AKT3: variants seen among roughly 807,000 people sequenced by gnomAD.
The protein encoded by AKT3 is RAC-gamma serine/threonine-protein kinase.
A neutral mutation model predicts 65.3 loss-of-function variants in AKT3; 15 were observed. The ratio of observed to expected loss-of-function variants is 0.23; its 90% CI spans 0.15 to 0.35. The LOEUF (loss-of-function observed/expected upper bound fraction) is 0.35, where lower values mean the gene tolerates loss of function less well. Ranked by LOEUF, AKT3 falls within the 10% of genes least tolerant of loss-of-function variation. The pLI is 1.00. For synonymous variants in AKT3, 206 were observed against 183.8 expected (o/e 1.12, Z -0.98); for missense variants, 243 against 576.5 (o/e 0.42, Z 5.92).
Position 243,671,344 on chromosome 1 carries a change from C to T in AKT3, c.173-6461G>A, listed in dbSNP as rs541625886. Among the ~76,000 whole-genome samples, 29 of 152,082 alleles carry T rather than the reference C, an allele frequency of 1.9e-4. No homozygotes were observed. In the East Asian group the frequency reaches 4.1e-3, roughly 21 times the overall value. On this transcript the variant is annotated intron_variant, in intron 3 of 13. Transcript: ENST00000673466. ...ATCCGCCCACCTCGGCCTCCCAAAG[C>T]GCTGGGATTACAGGCGTGAGCCACT...
downstream of AKT3, among the ~76,000 whole-genome samples, chr1:243,495,845 C>T (rs1332952152): frequency 6.6e-6 from 1 of 152,148 alleles, no homozygotes; most frequent in Non-Finnish European, 1.5e-5. Flanking sequence ...AGCTTAATTC[C>T]GTAGATATCA....
chr1:243,718,926 AT>A (rs1686695842), intron 2 of AKT3, among the ~76,000 whole-genome samples: 1 of 152,186 alleles, frequency 6.6e-6, no homozygotes, highest in Non-Finnish European at 1.5e-5. Context: ...GATTTCATAT[AT>A]GCACAAAACA....
chr1:243,670,932 CAAA>C (rs1005131729), intron 3 of AKT3, among the ~76,000 whole-genome samples: 1 of 149,330 alleles, frequency 6.7e-6, no homozygotes, highest in Non-Finnish European at 1.5e-5. Flanking sequence ...ATACATACAC[CAAA>C]AAAAAAATTT....
chr1:243,795,456 TTTTTTG>T (rs1431294988), intron 2 of AKT3, among the ~76,000 whole-genome samples: 20 of 124,444 alleles, frequency 1.6e-4, no homozygotes, highest in African/African-American at 6.0e-4. Flanking sequence ...CTTGTTTTTT[TTTTTTG>T]TTTTTTTTTT....
intron 2 of AKT3, among the ~76,000 whole-genome samples, chr1:243,753,537 A>G (rs551275753): frequency 8.5e-5 from 13 of 152,322 alleles, no homozygotes; most frequent in African/African-American, 2.9e-4. Flanking sequence ...TGTTTTCAAT[A>G]AAAAACTTCT....
intron 2 of AKT3, among the ~76,000 whole-genome samples, chr1:243,718,750 G>C (rs533257960): frequency 2.9e-4 from 44 of 152,180 alleles, no homozygotes; most frequent in African/African-American, 9.1e-4. Context: ...TGGGATTACA[G>C]GCATGAGCCA....
intron 12 of AKT3, among the ~76,000 whole-genome samples, chr1:243,538,837 AAAAAAG>A (rs931477712): frequency 6.6e-6 from 1 of 152,110 alleles, no homozygotes; most frequent in African/African-American, 2.4e-5. Context: ...CTCTTAAAAA[AAAAAAG>A]AAAAAGAAAA....
intron 2 of AKT3, among the ~76,000 whole-genome samples, chr1:243,819,941 T>C (rs1483268924): frequency 4.7e-5 from 7 of 147,808 alleles, no homozygotes; most frequent in Admixed American, 2.0e-4. Flanking sequence ...TGTTTTGAGA[T>C]GGGGTCTTGC....
intron 2 of AKT3, among the ~76,000 whole-genome samples, chr1:243,832,981 C>T (rs375487576): frequency 1.3e-5 from 2 of 152,046 alleles, no homozygotes; most frequent in Non-Finnish European, 2.9e-5. Flanking sequence ...TGCCTGAGGC[C>T]GGGCGCAGTG....
chr1:243,574,127 T>C (rs1269278335), intron 8 of AKT3, among the ~76,000 whole-genome samples: 2 of 152,156 alleles, frequency 1.3e-5, no homozygotes, highest in African/African-American at 2.4e-5. Context: ...CATGGATCAT[T>C]GACTCATAAT....
chr1:243,637,741 G>A lies in AKT3; in HGVS notation c.431C>T (p.Thr144Ile). 1 of 1,529,190 alleles carries A rather than the reference G, an allele frequency of 6.5e-7. No individual in the cohort carries two copies. The allele number at this position is 1,529,190 out of a possible 1,614,324, so 94.7% of individuals were successfully genotyped here. ...TTTCAAATAGTCAAAATCATTCATT[G>A]TCTGAAAAATACAAATTAAAAAATA... ...DASTTHHKRK[T>I]MNDFDYLKLL... The change falls in exon 6 of 14, where the codon ACA becomes ATA. Residue 144 changes from threonine (T) to isoleucine (I), a missense_variant and splice_region_variant. Physicochemically the swap from Thr to Ile is moderately conservative, Grantham distance 89. This residue lies in a region of AKT3 where 72 missense variants were observed against 86.0 expected (regional missense o/e 0.84). Transcript: ENST00000673466.
intron 2 of AKT3, among the ~76,000 whole-genome samples, chr1:243,810,794 C>A (rs1319645769): frequency 3.9e-5 from 6 of 152,174 alleles, no homozygotes; most frequent in Non-Finnish European, 1.5e-5. Flanking sequence ...TACTGGCAAA[C>A]CAAATCCAGC....
chr1:243,812,953 G>C (rs1396617810), intron 2 of AKT3, among the ~76,000 whole-genome samples: 1 of 149,808 alleles, frequency 6.7e-6, no homozygotes, highest in African/African-American at 2.5e-5. Flanking sequence ...CTCACTCATA[G>C]GTGGCATAGG....
At chr1:243,720,902 A>G (rs1011224536) in intron 2 of AKT3, among the ~76,000 whole-genome samples, 1 of 152,156 alleles carries the variant, frequency 6.6e-6, no homozygotes, top group East Asian at 1.9e-4. Flanking sequence ...ACTGGCAAAT[A>G]GGGCTAATGC....
chr1:243,567,280 G>A (rs1221896725), intron 9 of AKT3, among the ~76,000 whole-genome samples: 1 of 151,852 alleles, frequency 6.6e-6, no homozygotes, highest in Non-Finnish European at 1.5e-5. Context: ...GTGAAATCCT[G>A]TCTCAAAAAA....
At chr1:243,580,088 C>A (rs777559901) in intron 8 of AKT3, among the ~76,000 whole-genome samples, 53 of 152,262 alleles carry the variant, frequency 3.5e-4, no homozygotes, top group Non-Finnish European at 7.2e-4. Context: ...GCCTCAGCCA[C>A]TTGGACATAG....
At chr1:243,642,860 T>G (rs531152384) in intron 5 of AKT3, among the ~76,000 whole-genome samples, 2 of 152,078 alleles carry the variant, frequency 1.3e-5, no homozygotes, top group African/African-American at 4.8e-5. Context: ...AAAATAAACA[T>G]ATAATCAATG....
chr1:243,519,346 G>GGT (rs1218143094), intron 12 of AKT3, among the ~76,000 whole-genome samples: 2 of 152,228 alleles, frequency 1.3e-5, no homozygotes, highest in African/African-American at 4.8e-5. Flanking sequence ...TTAAACAAGT[G>GGT]GAATAAAGAT....
intron 13 of AKT3, among the ~76,000 whole-genome samples, chr1:243,489,821 C>T (rs1322195860): frequency 1.3e-5 from 2 of 152,186 alleles, no homozygotes; most frequent in South Asian, 2.1e-4. Context: ...CCAGGCTTTC[C>T]CCATTCAGGT....
Sources: allele counts gnomAD v4.1 joint callset (sites outside exome capture counted in the v4.1 genomes callset), GRCh38; gene constraint gnomAD v4.1.1; regional missense constraint gnomAD v4.1.1; transcripts MANE v1.5; gene names NCBI Gene and HGNC (gene_info 2026-07-23, HGNC 2026-07-21).